GNL3L: variants seen among roughly 807,000 people sequenced by gnomAD.
The protein encoded by GNL3L is guanine nucleotide-binding protein-like 3-like protein.
Under a neutral mutation model 42.9 loss-of-function variants are expected in GNL3L, and 4 were observed. That is an observed-to-expected ratio of 0.09 (90% CI 0.05 to 0.21). GNL3L has a LOEUF of 0.21. Among genes scored for constraint, GNL3L ranks in the 10% least tolerant of loss-of-function variants. GNL3L has a pLI of 1.00. For synonymous variants in GNL3L, 159 were observed against 176.3 expected (o/e 0.90, Z 0.78); for missense variants, 412 against 481.7 (o/e 0.86, Z 1.36).
rs781526946 is a variant in GNL3L at position 54,564,731 on chromosome X, CTTT to C, written c.*4147_*4149del. On this transcript the variant is annotated 3_prime_UTR_variant, in exon 16 of 16. Coordinates refer to ENST00000360845, the MANE Select transcript of GNL3L (RefSeq NM_001184819.2). ...TTTTTCTTTGTTCTTATATTTTTGT[CTTT>C]TTTTTTTTTTTTTTTTTGAAACAGA... is the stretch of plus-strand genomic sequence containing the variant. Among the ~76,000 whole-genome samples, 2 of 71,891 alleles carry C rather than the reference CTTT, an allele frequency of 2.8e-5. No individual in the cohort carries two copies. Among genetic ancestry groups the C allele is most frequent in the African/African-American group, 5.8e-5 (1 of 17,266 alleles). The allele number at this position is 71,891 out of a possible 115,157, so 62.4% of individuals were successfully genotyped here.
At chrX:54,557,192 A>AG (rs1284424290) in intron 14 of GNL3L, among the ~76,000 whole-genome samples, 3 of 109,529 alleles carry the variant, frequency 2.7e-5, no homozygotes, top group Non-Finnish European at 5.7e-5. Context: ...AAAAAAAAAA[A>AG]GATGGAATGG....
rs1320334414 is a variant in GNL3L, at chrX:54,564,492, C to T, written c.*3890C>T. 3.9e-5 allele frequency among the ~76,000 whole-genome samples: 4 copies of T among 103,518 alleles called. No homozygotes were observed. In the East Asian group the frequency reaches 1.2e-3, roughly 31 times the overall value. The allele number at this position is 103,518 out of a possible 115,157, so 89.9% of individuals were successfully genotyped here. ...GCGTGATCTCGGTTCACTGCAACCT[C>T]CGCCTCCAGGGTTCAAGCGGTTCTC... On this transcript the variant is annotated 3_prime_UTR_variant, in exon 16 of 16. Coordinates refer to ENST00000360845, the MANE Select transcript of GNL3L (RefSeq NM_001184819.2).
intron 16 of GNL3L, among the ~76,000 whole-genome samples, chrX:54,601,748 T>A (rs768746188): frequency 8.9e-6 from 1 of 111,876 alleles, no homozygotes; most frequent in South Asian, 3.7e-4. Flanking sequence ...GTGTTTTATT[T>A]CTTTGTAGTC....
rs762140593 is a variant in GNL3L at position 54,587,419 on chromosome X, A to T, written c.*45+26772A>T. On this transcript the variant is annotated intron_variant, in intron 16 of 16. Transcript: ENST00000674498. ...TTATGCCTAATAATATTTGCTTTAT[A>T]TATGTGGGAGCTCCAGTGTTGTGTT... Among the ~76,000 whole-genome samples, 4 of 111,466 alleles carry T rather than the reference A, an allele frequency of 3.6e-5. No individual in the cohort carries two copies. The Admixed American group carries it at 3.8e-4, about 11-fold the overall frequency.
chrX:54,642,404 C>T, the GNL3L span, among the ~76,000 whole-genome samples: 2 of 111,648 alleles, frequency 1.8e-5, no homozygotes, highest in East Asian at 2.8e-4. Context: ...TCAGCTCCTT[C>T]GACTCTTCCT....
rs190581616 is a variant in GNL3L, at chrX:54,563,321, C to T, written c.*2719C>T. 5.8e-4 allele frequency among the ~76,000 whole-genome samples: 65 copies of T among 111,665 alleles called. No homozygotes were observed. Among genetic ancestry groups the T allele is most frequent in the African/African-American group, 1.9e-3 (59 of 30,768 alleles). On this transcript the variant is annotated 3_prime_UTR_variant, in exon 16 of 16. Coordinates refer to ENST00000360845, the MANE Select transcript of GNL3L (RefSeq NM_001184819.2). ...TATGATGGGGCTACTTCCTGGTAAA[C>T]CCATTGTAATGTGCAAATTACGGGT...
chrX:54,558,887 C>T (rs2147495974), intron 15 of GNL3L, among the ~76,000 whole-genome samples: 1 of 111,915 alleles, frequency 8.9e-6, no homozygotes, highest in South Asian at 3.8e-4. Flanking sequence ...AAACTCCTGA[C>T]CTCAGGTGAT....
chrX:54,569,416 ATTAGTATT>A (rs771949090), downstream of GNL3L, among the ~76,000 whole-genome samples: 256 of 112,291 alleles, frequency 2.3e-3, no homozygotes, highest in African/African-American at 7.3e-3. Context: ...AGGATTGGTA[ATTAGTATT>A]TTAAAGAAAG....
chrX:54,533,525 A>T (rs768105525), intron 2 of GNL3L, among the ~76,000 whole-genome samples: 41 of 111,799 alleles, frequency 3.7e-4, no homozygotes, highest in African/African-American at 1.3e-3. Context: ...AAAAAAATAC[A>T]TTTTTTATAT....
At position 54,564,510 on chromosome X, in the gene GNL3L, C is replaced by T. The variant is rs1261732323; in HGVS notation, c.*3908C>T. On this transcript the variant is annotated 3_prime_UTR_variant, in exon 16 of 16. Transcript: ENST00000360845. ...GCAACCTCCGCCTCCAGGGTTCAAG[C>T]GGTTCTCCTGCCTCAGCCTCCCGAG... is the stretch of plus-strand genomic sequence containing the variant. 1.2e-4 allele frequency among the ~76,000 whole-genome samples: 12 copies of T among 102,224 alleles called. No individual in the cohort carries two copies. Among genetic ancestry groups the T allele is most frequent in the South Asian group, 9.3e-4 (2 of 2,162 alleles). The allele number at this position is 102,224 out of a possible 115,157, so 88.8% of individuals were successfully genotyped here. A position where few individuals can be genotyped will look rare whatever the true frequency, so the allele number is the denominator to read the frequency against.
chrX:54,546,071 G>T (rs922834639), intron 8 of GNL3L, among the ~76,000 whole-genome samples: 1 of 112,015 alleles, frequency 8.9e-6, no homozygotes, highest in African/African-American at 3.2e-5. Flanking sequence ...TTGGTGCCCA[G>T]GCTGGTCTTG....
intron 16 of GNL3L, among the ~76,000 whole-genome samples, chrX:54,576,331 A>G (rs934212151): frequency 8.0e-5 from 9 of 111,876 alleles, no homozygotes; most frequent in African/African-American, 2.9e-4. Context: ...TAGTAAAACC[A>G]TTTAAAGCCT....
In GNL3L at chrX:54,560,675, T is replaced by G; in HGVS notation, c.*73T>G. ...ACGGGGGAATACCAGTGAAATAGTT[T>G]GGTTCTCCCTGAAGCATCTGCATAT... On this transcript the variant is annotated 3_prime_UTR_variant, in exon 16 of 16. Coordinates refer to ENST00000360845, the MANE Select transcript of GNL3L (RefSeq NM_001184819.2). The G allele has an allele frequency of 9.4e-6, 6 of 640,127 alleles. No individual in the cohort carries two copies. The highest frequency in any genetic ancestry group is 1.6e-5 in the Non-Finnish European group (6 of 382,313). 52.8% of individuals were successfully genotyped at this position (640,127 alleles called of 1,213,427 possible). A position where few individuals can be genotyped will look rare whatever the true frequency, so the allele number is the denominator to read the frequency against.
intron 16 of GNL3L, among the ~76,000 whole-genome samples, chrX:54,599,517 C>CTT (rs1925977951): frequency 1.8e-5 from 2 of 111,340 alleles, no homozygotes; most frequent in Admixed American, 1.9e-4. Context: ...AAGACTTTGC[C>CTT]TTTGGTTTCA....
intron 16 of GNL3L, among the ~76,000 whole-genome samples, chrX:54,611,434 G>C (rs1926160282): frequency 9.0e-6 from 1 of 111,557 alleles, no homozygotes. Flanking sequence ...CTTGAGGTGT[G>C]AACTTAGAAT....
At chrX:54,633,566 G>A in the GNL3L span, among the ~76,000 whole-genome samples, 2 of 111,023 alleles carry the variant, frequency 1.8e-5, no homozygotes, top group South Asian at 7.7e-4. Context: ...TGTCTTTCAG[G>A]GGGACTTGCT....
intron 16 of GNL3L, among the ~76,000 whole-genome samples, chrX:54,613,917 G>A (rs981371015): frequency 8.1e-5 from 9 of 110,512 alleles, no homozygotes; most frequent in Admixed American, 2.9e-4. Flanking sequence ...TCAGGAGGTG[G>A]TGGTTTCCAG....
chrX:54,606,995 CCTTTCTTTCTTTCTTT>C (rs56807107), intron 16 of GNL3L, among the ~76,000 whole-genome samples: 326 of 27,955 alleles, frequency 0.012, 7 homozygotes, highest in Middle Eastern at 0.016. Context: ...CCTTTCCTTT[CCTTTCTTTCTTTCTTT>C]CTTTCTTTCT....
intron 8 of GNL3L, among the ~76,000 whole-genome samples, chrX:54,545,106 G>A (rs936456529): frequency 4.5e-5 from 5 of 111,921 alleles, no homozygotes; most frequent in Non-Finnish European, 9.4e-5. Flanking sequence ...AGTAGACACG[G>A]GGTTTCGCCG....
Sources: allele counts gnomAD v4.1 joint callset (sites outside exome capture counted in the v4.1 genomes callset), GRCh38; gene constraint gnomAD v4.1.1; transcripts MANE v1.5; gene names NCBI Gene and HGNC (gene_info 2026-07-23, HGNC 2026-07-21).